The following ADCY5 variants were observed in gnomAD, a reference collection of about 807,000 sequenced individuals.
ADCY5 encodes adenylate cyclase 5, also known as adenylate cyclase type 5.
A neutral mutation model predicts 119.7 loss-of-function variants in ADCY5; 30 were observed. The observed-to-expected ratio is 0.25, with a 90% confidence interval of 0.19 to 0.34. The LOEUF is 0.34. Ranked by LOEUF, ADCY5 falls within the 10% of genes least tolerant of loss-of-function variation. The pLI is 1.00. For synonymous variants in ADCY5, 753 were observed against 762.2 expected (o/e 0.99, Z 0.20); for missense variants, 1,324 against 1,775.2 (o/e 0.75, Z 4.57).
intron 11 of ADCY5, among the ~76,000 whole-genome samples, chr3:123,317,215 G>A (rs904698945): frequency 6.6e-6 from 1 of 152,120 alleles, no homozygotes; most frequent in Non-Finnish European, 1.5e-5. Context: ...AGGCTTTGTC[G>A]GAGACACAGC....
chr3:123,328,039 T>A lies in ADCY5; in HGVS notation c.1806-280A>T, dbSNP rs531360435. Among the ~76,000 whole-genome samples, 3 of 152,266 alleles carry A rather than the reference T, an allele frequency of 2.0e-5. No individual in the cohort carries two copies. The East Asian group carries it at 5.8e-4, about 29-fold the overall frequency. On this transcript the variant is annotated intron_variant, in intron 6 of 20. Transcript: ENST00000462833. ...AACATGGCCTCCAGTCTTGCAAACT[T>A]TGCAAGCCTCTCACTCCTGCTCAGA...
chr3:123,405,229 T>C (rs1944869787), intron 1 of ADCY5, among the ~76,000 whole-genome samples: 1 of 152,194 alleles, frequency 6.6e-6, no homozygotes, highest in Non-Finnish European at 1.5e-5. Context: ...GGCTCTGGTT[T>C]TCATGCCAAG....
chr3:123,430,546 G>A (rs1350274081), intron 1 of ADCY5, among the ~76,000 whole-genome samples: 2 of 152,254 alleles, frequency 1.3e-5, no homozygotes, highest in African/African-American at 4.8e-5. Flanking sequence ...CCCGCACGGG[G>A]AAGATGTCAG....
At chr3:123,345,761 G>GACACACACACACACACACACAC (rs1491583420) in intron 3 of ADCY5, among the ~76,000 whole-genome samples, 9 of 36,030 alleles carry the variant, frequency 2.5e-4, no homozygotes, top group African/African-American at 9.4e-4. Flanking sequence ...CAGACAGACA[G>GACACACACACACACACACACAC]ACAGACAGAC....
At chr3:123,287,986 G>GA (rs1200417986) in intron 19 of ADCY5, among the ~76,000 whole-genome samples, 1 of 152,260 alleles carries the variant, frequency 6.6e-6, no homozygotes, top group African/African-American at 2.4e-5. Flanking sequence ...GAGATGGGGT[G>GA]AAAGGAAAAC....
rs1942879637 is a variant in ADCY5 at position 123,352,604 on chromosome 3, A to G, written c.1135-23T>C. ...AAGCTGCAGAGGGAGAGAGGAGCAC[A>G]CCTAGCTCAGATCCTGACCTTCCTG... On this transcript the variant is annotated intron_variant, in intron 1 of 20. Transcript: ENST00000462833. This position sits in a 1 kb window ranked among gnomAD's most constrained non-coding sequence, Gnocchi z 4.8. 1.9e-6 allele frequency: 3 copies of G among 1,592,364 alleles called. No homozygotes were observed. The highest frequency in any genetic ancestry group is 1.7e-6 in the Non-Finnish European group (2 of 1,164,886).
intron 1 of ADCY5, among the ~76,000 whole-genome samples, chr3:123,411,110 G>A (rs116483791): frequency 0.018 from 2,785 of 152,134 alleles, 78 homozygotes; most frequent in African/African-American, 0.063. Flanking sequence ...TTCCCTCCAT[G>A]AGCCTCCTGT....
rs540772645 is a variant in ADCY5 at position 123,286,706 on chromosome 3, G to A, written c.3636C>T (p.Thr1212=). The part of the protein sequence containing the change: ...TVNVASRMDS[T]GVPDRIQVTT... ...TCACCTGGATGCGGTCGGGTACACC[G>A]GTGCTGTCCATGCGGCTGGCCACGT... is the stretch of plus-strand genomic sequence containing the variant. The change falls in exon 20 of 21, where the codon ACC becomes ACT. Residue 1212 remains threonine (T), a synonymous_variant. Coordinates refer to ENST00000462833, the MANE Select transcript of ADCY5 (RefSeq NM_183357.3). The surrounding 1 kb of genome is among the most constrained non-coding windows in gnomAD (Gnocchi z 4.2). 3.2e-5 allele frequency: 51 copies of A among 1,612,892 alleles called. No homozygotes were observed. The highest frequency in any genetic ancestry group is 1.7e-4 in the Middle Eastern group (1 of 6,050).
At chr3:123,316,251 T>C (rs953157370) in intron 11 of ADCY5, among the ~76,000 whole-genome samples, 7 of 152,032 alleles carry the variant, frequency 4.6e-5, no homozygotes, top group Non-Finnish European at 8.8e-5. Context: ...TACAAATTAA[T>C]TGGCCAGTAC....
At chr3:123,380,015 A>G (rs1388927094) in intron 1 of ADCY5, among the ~76,000 whole-genome samples, 2 of 152,182 alleles carry the variant, frequency 1.3e-5, no homozygotes, top group Non-Finnish European at 2.9e-5. Flanking sequence ...TCCAAAGGAC[A>G]CAACCAGACA....
At chr3:123,301,677 C>T (rs191789348) in intron 14 of ADCY5, among the ~76,000 whole-genome samples, 1 of 152,346 alleles carries the variant, frequency 6.6e-6, no homozygotes, top group African/African-American at 2.4e-5. Context: ...TGCCCACTGC[C>T]ACCCTCTCCC....
At chr3:123,368,104 C>A in intron 1 of ADCY5, 1 of 1,341,422 alleles carries the variant, frequency 7.5e-7, no homozygotes. Context: ...GAGTCAGGAG[C>A]CCCAGGGGCC....
At chr3:123,444,009 C>T (rs1185802507) in intron 1 of ADCY5, among the ~76,000 whole-genome samples, 1 of 152,152 alleles carries the variant, frequency 6.6e-6, no homozygotes, top group Non-Finnish European at 1.5e-5. Flanking sequence ...AATAGCTAAG[C>T]ATATGTAATA....
Position 123,318,101 on chromosome 3 carries a change from T to C in ADCY5, c.2273A>G (p.Asp758Gly), listed in dbSNP as rs1941021808. The part of the protein sequence containing the change: ...DLEKKYSKQV[D>G]DRFGAYVACA... Reference sequence around the variant, plus strand: ...CGCCACATAGGCACCAAATCGGTCGTCTACCTGCTTGGAGTACTGAGAGGA... The same window carrying C: ...CGCCACATAGGCACCAAATCGGTCGCCTACCTGCTTGGAGTACTGAGAGGA... Residue 758 changes from aspartate to glycine, a missense_variant, in exon 11 of 21, where the codon GAC becomes GGC. This residue lies in a region of ADCY5 where 424 missense variants were observed against 546.8 expected (regional missense o/e 0.78). Coordinates refer to ENST00000462833, the MANE Select transcript of ADCY5 (RefSeq NM_183357.3). 1 of 1,613,098 alleles carries C rather than the reference T, an allele frequency of 6.2e-7. No individual in the cohort carries two copies. Among genetic ancestry groups the C allele is most frequent in the African/African-American group, 1.3e-5 (1 of 74,844 alleles).
chr3:123,298,470 C>A (rs1272453351), intron 15 of ADCY5, among the ~76,000 whole-genome samples: 1 of 152,198 alleles, frequency 6.6e-6, no homozygotes, highest in African/African-American at 2.4e-5. Context: ...TCCTGGACCT[C>A]CTGTTCCTTC....
chr3:123,349,490 T>G lies in ADCY5; in HGVS notation c.1285-1587A>C, dbSNP rs528667885. On this transcript the variant is annotated intron_variant, in intron 2 of 20. Transcript: ENST00000462833. Reference sequence around the variant, plus strand: ...ACACCCTGGACCGACAGCCTCCCTCTGCCCTCCCTGACGCCTGCACAGCCC... The same window carrying G: ...ACACCCTGGACCGACAGCCTCCCTCGGCCCTCCCTGACGCCTGCACAGCCC... Among the ~76,000 whole-genome samples, 285 of 152,306 alleles carry G rather than the reference T, an allele frequency of 1.9e-3. 1 individual carries two copies. Among genetic ancestry groups the G allele is most frequent in the African/African-American group, 6.7e-3 (278 of 41,566 alleles).
chr3:123,348,795 C>T lies in ADCY5; in HGVS notation c.1285-892G>A, dbSNP rs117397609. Among the ~76,000 whole-genome samples, 8 of 152,286 alleles carry T rather than the reference C, an allele frequency of 5.3e-5. No homozygotes were observed. In the East Asian group the frequency reaches 1.5e-3, roughly 29 times the overall value. ...GATGCCCAGCTGCCTCCCTGCCAGG[C>T]TCCCTATCAGGCTGGTGCACATCAT... On this transcript the variant is annotated intron_variant, in intron 2 of 20. Coordinates refer to ENST00000462833, the MANE Select transcript of ADCY5 (RefSeq NM_183357.3).
At chr3:123,371,757 A>G (rs1943649371) in intron 1 of ADCY5, among the ~76,000 whole-genome samples, 1 of 152,248 alleles carries the variant, frequency 6.6e-6, no homozygotes, top group Non-Finnish European at 1.5e-5. Flanking sequence ...TGGGATCTGA[A>G]GCTCAGTTTC....
chr3:123,327,488 A>G, intron 7 of ADCY5, 130 bp downstream of exon 7: 1 of 1,017,360 alleles, frequency 9.8e-7, no homozygotes, highest in East Asian at 2.7e-5. Flanking sequence ...CCTTTTTAAG[A>G]TGCAGGAACC....
Sources: gnomAD v4.1 joint callset for allele counts (sites outside exome capture counted in the v4.1 genomes callset) on GRCh38, gnomAD v4.1.1 for gene constraint, gnomAD v4.1.1 regional missense constraint, Gnocchi (gnomAD v3.1) non-coding constraint, MANE v1.5 for transcripts, NCBI Gene and HGNC (gene_info 2026-07-23, HGNC 2026-07-21) for gene names.